The following KCNIP4 variants were observed in gnomAD, a reference collection of about 807,000 sequenced individuals.
The protein encoded by KCNIP4 is potassium voltage-gated channel interacting protein 4.
KCNIP4 carries 12 observed loss-of-function variants against 34.0 expected under a neutral mutation model. The ratio of observed to expected loss-of-function variants is 0.35; its 90% confidence interval spans 0.23 to 0.57. The LOEUF is 0.57. Among genes scored for constraint, KCNIP4 ranks in the 20% least tolerant of loss-of-function variants. The pLI is 0.83. For synonymous variants in KCNIP4, 124 were observed against 102.2 expected (o/e 1.21, Z -1.29); for missense variants, 238 against 311.7 (o/e 0.76, Z 1.78).
At chr4:21,927,988 A>T (rs1335790590) in intron 1 of KCNIP4, among the ~76,000 whole-genome samples, 1 of 152,056 alleles carries the variant, frequency 6.6e-6, no homozygotes, top group Non-Finnish European at 1.5e-5. Context: ...AGCCCTCTCC[A>T]AGCAGTCTGT....
At chr4:21,075,469 T>C (rs1205088978) in intron 1 of KCNIP4, among the ~76,000 whole-genome samples, 1 of 152,110 alleles carries the variant, frequency 6.6e-6, no homozygotes, top group Admixed American at 6.6e-5. Flanking sequence ...ACTCCTGCCT[T>C]TTTTTTGTTT....
intron 1 of KCNIP4, among the ~76,000 whole-genome samples, chr4:21,828,173 T>C (rs1248124286): frequency 1.3e-5 from 2 of 151,398 alleles, no homozygotes; most frequent in Non-Finnish European, 3.0e-5. Context: ...TTGGTACGTA[T>C]ATTTTAAAAA....
chr4:21,387,358 G>A (rs1427155840), intron 1 of KCNIP4, among the ~76,000 whole-genome samples: 1 of 152,084 alleles, frequency 6.6e-6, no homozygotes, highest in Non-Finnish European at 1.5e-5. Flanking sequence ...TCTAAGCAAC[G>A]TTTAATTATA....
intron 1 of KCNIP4, among the ~76,000 whole-genome samples, chr4:21,742,766 A>G (rs1329593880): frequency 1.3e-5 from 2 of 152,166 alleles, no homozygotes; most frequent in Non-Finnish European, 2.9e-5. Context: ...TGTACATGGG[A>G]AAATAGAAAA....
intron 1 of KCNIP4, among the ~76,000 whole-genome samples, chr4:21,771,893 T>A (rs1718819861): frequency 6.6e-6 from 1 of 152,168 alleles, no homozygotes; most frequent in South Asian, 2.1e-4. Flanking sequence ...CCTCTTCTCT[T>A]CCTATTTGAA....
chr4:21,820,283 G>T (rs945963929), intron 1 of KCNIP4, among the ~76,000 whole-genome samples: 77 of 127,496 alleles, frequency 6.0e-4, no homozygotes, highest in African/African-American at 2.5e-3. Context: ...ATGTGTGTGT[G>T]TGTATATATA....
chr4:21,255,840 C>T (rs1377858050), intron 1 of KCNIP4, among the ~76,000 whole-genome samples: 3 of 152,130 alleles, frequency 2.0e-5, no homozygotes, highest in Non-Finnish European at 4.4e-5. Flanking sequence ...CTTGAAGAAA[C>T]ATGTTGACAA....
chr4:21,001,353 A>C (rs1354745775), intron 1 of KCNIP4, among the ~76,000 whole-genome samples: 1 of 152,196 alleles, frequency 6.6e-6, no homozygotes, highest in Non-Finnish European at 1.5e-5. Flanking sequence ...AGTTCTAAAA[A>C]AATTTGAGTG....
At chr4:20,945,068 A>C (rs1330925803) in intron 1 of KCNIP4, among the ~76,000 whole-genome samples, 1 of 152,204 alleles carries the variant, frequency 6.6e-6, no homozygotes, top group Non-Finnish European at 1.5e-5. Flanking sequence ...GATCTGGGCC[A>C]TCAAAAGTCC....
At chr4:21,033,079 C>A (rs977495375) in intron 1 of KCNIP4, among the ~76,000 whole-genome samples, 1 of 151,906 alleles carries the variant, frequency 6.6e-6, no homozygotes, top group Non-Finnish European at 1.5e-5. Flanking sequence ...TCTACTACTA[C>A]TAATAACAAA....
At chr4:20,800,316 G>A (rs751969369) in intron 3 of KCNIP4, among the ~76,000 whole-genome samples, 7 of 152,214 alleles carry the variant, frequency 4.6e-5, no homozygotes, top group Non-Finnish European at 8.8e-5. Context: ...GTAAAGTTTG[G>A]AAGAGGTAAC....
At chr4:21,633,761 T>C (rs1313346376) in intron 1 of KCNIP4, among the ~76,000 whole-genome samples, 1 of 152,146 alleles carries the variant, frequency 6.6e-6, no homozygotes, top group East Asian at 1.9e-4. Flanking sequence ...GAATTTAAAC[T>C]GAGAAATTAT....
intron 1 of KCNIP4, among the ~76,000 whole-genome samples, chr4:21,626,836 T>C (rs1449224440): frequency 6.6e-6 from 1 of 152,166 alleles, no homozygotes; most frequent in Non-Finnish European, 1.5e-5. Flanking sequence ...CCTTTCCTAT[T>C]TTGCTGTGCA....
intron 1 of KCNIP4, among the ~76,000 whole-genome samples, chr4:21,538,701 T>G (rs1166771058): frequency 6.6e-6 from 1 of 152,190 alleles, no homozygotes; most frequent in Non-Finnish European, 1.5e-5. Flanking sequence ...GAGCACACAT[T>G]ACCCAGTGGT....
chr4:21,815,078 T>A (rs550965476), intron 1 of KCNIP4, among the ~76,000 whole-genome samples: 12 of 152,224 alleles, frequency 7.9e-5, no homozygotes, highest in South Asian at 2.1e-4. Flanking sequence ...CTGTTATTAA[T>A]TCATTTGAAA....
At position 21,035,745 on chromosome 4, in the gene KCNIP4, T is replaced by A. The variant is rs75383017; in HGVS notation, c.62-153036A>T. Among the ~76,000 whole-genome samples the A allele has an allele frequency of 1.6e-3, 247 of 152,328 alleles. 6 individuals are homozygous for A. The East Asian group carries it at 0.034, about 21-fold the overall frequency. On this transcript the variant is annotated intron_variant, in intron 1 of 8. Coordinates refer to ENST00000382152, the MANE Select transcript of KCNIP4 (RefSeq NM_025221.6). Reference sequence around the variant, plus strand: ...CTGCTCATATTCCCTGAGATTCCTGTTTACATTTTCTAGTGCCTTTTGCTG... The same window carrying A: ...CTGCTCATATTCCCTGAGATTCCTGATTACATTTTCTAGTGCCTTTTGCTG...
chr4:21,613,280 C>G (rs1490744864), intron 1 of KCNIP4: 1 of 152,150 alleles, frequency 6.6e-6, no homozygotes, highest in East Asian at 1.9e-4. Context: ...TCATCAGAGG[C>G]TGGGTTATCA....
chr4:21,374,421 AC>A (rs1720781628), intron 1 of KCNIP4, among the ~76,000 whole-genome samples: 1 of 147,096 alleles, frequency 6.8e-6, no homozygotes, highest in South Asian at 2.1e-4. Context: ...CATATTCACT[AC>A]CATGAGAACA....
intron 1 of KCNIP4, among the ~76,000 whole-genome samples, chr4:21,920,997 T>C (rs1182351607): frequency 6.6e-6 from 1 of 152,206 alleles, no homozygotes; most frequent in Non-Finnish European, 1.5e-5. Flanking sequence ...TCTCTAATCA[T>C]TGGACTTTTA....
Sources: gnomAD v4.1 joint callset for allele counts (sites outside exome capture counted in the v4.1 genomes callset) on GRCh38, gnomAD v4.1.1 for gene constraint, MANE v1.5 for transcripts, NCBI Gene and HGNC (gene_info 2026-07-23, HGNC 2026-07-21) for gene names.